Variants in UTP20 observed in about 807,000 individuals in gnomAD.
The protein encoded by UTP20 is UTP20 small subunit processome component, also known as small subunit processome component 20 homolog.
In UTP20, 164 loss-of-function variants were observed where a neutral mutation model predicts 329.5. That is an observed-to-expected ratio of 0.50 (90% confidence interval 0.44 to 0.57). UTP20 has a LOEUF of 0.57. Ranked by LOEUF, UTP20 falls within the 20% of genes least tolerant of loss-of-function variation. The pLI, the probability that UTP20 is intolerant of heterozygous loss-of-function variation, is 0.00. For missense variants in UTP20, 3,055 were observed against 3,284.2 expected, an observed-to-expected ratio of 0.93 and a Z score of 1.71; for synonymous variants, 1,151 against 1,159.3, an observed-to-expected ratio of 0.99 and a Z score of 0.14.
intron 25 of UTP20, chr12:101,326,861 C>G: frequency 2.8e-6 from 1 of 351,164 alleles, no homozygotes; most frequent in Middle Eastern, 8.3e-4. Context: ...GTAGCTGGGA[C>G]TACAGGCACG....
chr12:101,336,662 T>C (rs1191445342), intron 29 of UTP20, among the ~76,000 whole-genome samples: 1 of 152,210 alleles, frequency 6.6e-6, no homozygotes, highest in Non-Finnish European at 1.5e-5. Flanking sequence ...TGTCATCACA[T>C]ACTGCCTTTG....
chr12:101,384,516 G>C (rs926033243), intron 60 of UTP20, among the ~76,000 whole-genome samples: 3 of 152,194 alleles, frequency 2.0e-5, no homozygotes, highest in Non-Finnish European at 4.4e-5. Context: ...ACTCCTGCTT[G>C]GGCAACAGAG....
At chr12:101,343,551 C>G (rs1409470504) in intron 35 of UTP20, among the ~76,000 whole-genome samples, 1 of 152,092 alleles carries the variant, frequency 6.6e-6, no homozygotes, top group Non-Finnish European at 1.5e-5. Flanking sequence ...CGTTCTGTCA[C>G]CCAGGCTAGA....
In UTP20 at chr12:101,290,145, T is replaced by C; in HGVS notation, c.606T>C (p.Asp202=). 1.9e-6 allele frequency: 3 copies of C among 1,583,134 alleles called. No individual in the cohort carries two copies. Among genetic ancestry groups the C allele is most frequent in the East Asian group, 2.2e-5 (1 of 44,530 alleles). Residue 202 remains aspartate, a synonymous_variant, in exon 7 of 62, where the codon GAT becomes GAC. Transcript: ENST00000261637. ...SFTFLMRKVS[D]KNALFNLMFL... Reference sequence around the variant, plus strand: ...TCTACTTTATATTTTAGGTCTCTGATAAAAACGCACTTTTCAATTTAATGT... The same window carrying C: ...TCTACTTTATATTTTAGGTCTCTGACAAAAACGCACTTTTCAATTTAATGT...
chr12:101,338,774 G>A (rs753610547), intron 30 of UTP20, 39 bp from the exon 31 acceptor site: 1 of 1,536,782 alleles, frequency 6.5e-7, no homozygotes, highest in African/African-American at 1.4e-5. Context: ...TGCCTTAAGA[G>A]AGTTTATTAA....
At chr12:101,353,174 T>C in intron 40 of UTP20, 45 bp downstream of exon 40, 1 of 1,357,220 alleles carries the variant, frequency 7.4e-7, no homozygotes, top group Non-Finnish European at 1.0e-6. Context: ...ATCTTATTCT[T>C]GGATAGTGTA....
chr12:101,316,568 C>T (rs753514182), intron 21 of UTP20, among the ~76,000 whole-genome samples: 2 of 152,110 alleles, frequency 1.3e-5, no homozygotes, highest in African/African-American at 2.4e-5. Flanking sequence ...TTAGTGTTAT[C>T]GATCTGGAGG....
chr12:101,344,781 T>G, intron 36 of UTP20, 31 bp downstream of exon 36: 1 of 1,596,716 alleles, frequency 6.3e-7, no homozygotes, highest in Non-Finnish European at 8.5e-7. Context: ...GGCACTACTG[T>G]CTGAGGCTGT....
At chr12:101,359,412 T>C (rs757489827) in intron 43 of UTP20, among the ~76,000 whole-genome samples, 18 of 151,962 alleles carry the variant, frequency 1.2e-4, no homozygotes, top group Non-Finnish European at 2.4e-4. Flanking sequence ...CTTTCTCCTC[T>C]CCTGGGACTC....
In UTP20 at chr12:101,356,536, C is replaced by T. The variant is rs1444951716; in HGVS notation, c.5395-18C>T. 2 of 1,593,362 alleles carry T rather than the reference C, an allele frequency of 1.3e-6. No homozygotes were observed. The highest frequency in any genetic ancestry group is 1.1e-5 in the South Asian group (1 of 87,264). ...TCCATTTATTTTCATTTTAGCTTAA[C>T]CTAAATTTTTCTTACAGACTAAAAG... On this transcript the variant is annotated intron_variant, in intron 41 of 61. Transcript: ENST00000261637.
chr12:101,378,311 A>T lies in UTP20; in HGVS notation c.7397-1060A>T, dbSNP rs568046966. ...TAACACAATTAGCCCTGTCCCTGGC[A>T]TATAGAAAACCTTCAGTAAGTAAAT... is the stretch of plus-strand genomic sequence containing the variant. On this transcript the variant is annotated intron_variant, in intron 56 of 61. Coordinates refer to ENST00000261637, the MANE Select transcript of UTP20 (RefSeq NM_014503.3). Among the ~76,000 whole-genome samples, 12 of 152,334 alleles carry T rather than the reference A, an allele frequency of 7.9e-5. No individual in the cohort carries two copies. In the South Asian group the frequency reaches 1.9e-3, roughly 24 times the overall value.
In UTP20 at chr12:101,372,745, T is replaced by C. The variant is rs1870335362; in HGVS notation, c.6799-139T>C. 8 of 636,024 alleles carry C rather than the reference T, an allele frequency of 1.3e-5. No homozygotes were observed. The South Asian group carries it at 1.5e-4, about 12-fold the overall frequency. 39.4% of individuals were successfully genotyped at this position (636,024 alleles called of 1,614,324 possible). A position where few individuals can be genotyped will look rare whatever the true frequency, so the allele number is the denominator to read the frequency against. On this transcript the variant is annotated intron_variant, in intron 51 of 61. Coordinates refer to ENST00000261637, the MANE Select transcript of UTP20 (RefSeq NM_014503.3). ...TATTGACTTCATAGGCAGATTTAGC[T>C]GGAGTGCATTGGAAAGCCTGATTGA...
intron 25 of UTP20, among the ~76,000 whole-genome samples, chr12:101,323,887 C>T (rs1258425960): frequency 1.3e-5 from 2 of 152,132 alleles, no homozygotes; most frequent in Non-Finnish European, 2.9e-5. Context: ...GCATGTAATC[C>T]CAGCTCTTTG....
At position 101,334,406 on chromosome 12, in the gene UTP20, T is replaced by G. The variant is rs1868867629; in HGVS notation, c.3562-19T>G. The G allele has an allele frequency of 6.2e-7, 1 of 1,606,414 alleles. No individual in the cohort carries two copies. The highest frequency in any genetic ancestry group is 1.3e-5 in the African/African-American group (1 of 74,808). On this transcript the variant is annotated intron_variant, in intron 28 of 61. Coordinates refer to ENST00000261637, the MANE Select transcript of UTP20 (RefSeq NM_014503.3). ...TTGGTATATGTATTTGGTATTCTGT[T>G]TTTTACTTTGTCTCCTAGATCAGCA... is the stretch of plus-strand genomic sequence containing the variant.
At chr12:101,307,157 G>A (rs1213793886) in intron 17 of UTP20, among the ~76,000 whole-genome samples, 4 of 145,326 alleles carry the variant, frequency 2.8e-5, no homozygotes, top group South Asian at 2.2e-4. Context: ...CAGCCTGGGC[G>A]ACAGAGCGAG....
intron 56 of UTP20, 39 bp from the exon 57 acceptor site, chr12:101,379,332 G>C (rs1024255851): frequency 6.5e-7 from 1 of 1,534,104 alleles, no homozygotes; most frequent in African/African-American, 1.4e-5. Flanking sequence ...TAATCAGGAA[G>C]GCCATGTGAC....
intron 12 of UTP20, 90 bp from the exon 13 acceptor site, chr12:101,299,592 C>T (rs1872460642): frequency 7.7e-7 from 1 of 1,291,020 alleles, no homozygotes; most frequent in African/African-American, 1.5e-5. Flanking sequence ...TAATGCTCCA[C>T]AATGGTAAGA....
intron 25 of UTP20, 82 bp from the exon 26 acceptor site, chr12:101,326,999 C>A: frequency 7.3e-7 from 1 of 1,363,102 alleles, no homozygotes; most frequent in Non-Finnish European, 1.0e-6. Flanking sequence ...TATTGAGTTG[C>A]TCTTCTAGCC....
rs1462264044 is a variant in UTP20 at position 101,370,461 on chromosome 12, G to C, written c.6585G>C (p.Lys2195Asn). ...TGACCATACTTGTCAAGAAAGTCAA[G>C]TCTTACCAGATAACTGAAAAACAGC... ...KCVTILVKKV[K>N]SYQITEKQLQ... is the part of the protein sequence containing the mutation. Residue 2195 changes from lysine to asparagine, a missense_variant, in exon 50 of 62, where the codon AAG becomes AAC. This residue lies in a region of UTP20 where 273 missense variants were observed against 363.1 expected (regional missense o/e 0.75). Transcript: ENST00000261637. The C allele has an allele frequency of 4.3e-6, 7 of 1,613,764 alleles. No individual in the cohort carries two copies. The highest frequency in any genetic ancestry group is 5.9e-6 in the Non-Finnish European group (7 of 1,179,918).
Sources: gnomAD v4.1 joint callset for allele counts (sites outside exome capture counted in the v4.1 genomes callset) on GRCh38, gnomAD v4.1.1 for gene constraint, gnomAD v4.1.1 regional missense constraint, MANE v1.5 for transcripts, NCBI Gene and HGNC (gene_info 2026-07-23, HGNC 2026-07-21) for gene names.